The following ANKRD11 variants were observed in gnomAD, a reference collection of about 807,000 sequenced individuals.
ANKRD11 encodes ankyrin repeat domain 11.
In ANKRD11, 17 loss-of-function variants were observed where a neutral mutation model predicts 195.7. The ratio of observed to expected loss-of-function variants is 0.09; its 90% CI spans 0.06 to 0.13. The LOEUF is 0.13. ANKRD11 is among the 10% of genes least tolerant of loss of function. The probability of loss-of-function intolerance (pLI) is 1.00; values close to 1 mark genes in which losing one functional copy is unlikely to be tolerated. For synonymous variants in ANKRD11, 1,953 were observed against 1,528.1 expected (o/e 1.28, Z -6.49); for missense variants, 3,735 against 3,566.1 (o/e 1.05, Z -1.21).
rs551976811 is a variant in ANKRD11, at chr16:89,408,483, A to G, written c.-60+9801T>C. Among the ~76,000 whole-genome samples the G allele has an allele frequency of 1.4e-4, 22 of 152,306 alleles. No individual in the cohort carries two copies. In the South Asian group the frequency reaches 4.6e-3, roughly 32 times the overall value. On this transcript the variant is annotated intron_variant, in intron 2 of 12. Transcript: ENST00000301030. ...CCCTGAGCGTGGTGGCAAGTGGCCG[A>G]CCCAGATTCCCTCACCCTGCTCTGG... is the stretch of plus-strand genomic sequence containing the variant.
At chr16:89,486,654 A>G (rs1443934006) in intron 1 of ANKRD11, among the ~76,000 whole-genome samples, 1 of 152,138 alleles carries the variant, frequency 6.6e-6, no homozygotes, top group Non-Finnish European at 1.5e-5. Flanking sequence ...GGCAGGGTCA[A>G]GAATGGGGCA....
chr16:89,315,053 G>A (rs532658281), intron 3 of ANKRD11, among the ~76,000 whole-genome samples: 53 of 152,220 alleles, frequency 3.5e-4, no homozygotes, highest in African/African-American at 1.1e-3. Flanking sequence ...CACATCACCC[G>A]TGTGAACATG....
intron 2 of ANKRD11, among the ~76,000 whole-genome samples, chr16:89,382,030 A>T (rs2040679943): frequency 1.3e-5 from 2 of 152,322 alleles, no homozygotes; most frequent in African/African-American, 4.8e-5. Context: ...AGCCAGCACG[A>T]CTGTCCAGGC....
intron 2 of ANKRD11, among the ~76,000 whole-genome samples, chr16:89,319,675 G>C (rs989351832): frequency 6.6e-6 from 1 of 152,370 alleles, no homozygotes; most frequent in South Asian, 2.1e-4. Flanking sequence ...GGTGACAGCT[G>C]AGATGTCCTG....
At chr16:89,441,654 C>T (rs751394736) in intron 1 of ANKRD11, among the ~76,000 whole-genome samples, 15 of 150,018 alleles carry the variant, frequency 1.0e-4, no homozygotes, top group Middle Eastern at 3.4e-3. Flanking sequence ...GCAGTCCCAG[C>T]TACTCGGGAG....
At chr16:89,349,409 G>A (rs2039101789) in intron 2 of ANKRD11, among the ~76,000 whole-genome samples, 1 of 152,046 alleles carries the variant, frequency 6.6e-6, no homozygotes, top group African/African-American at 2.4e-5. Context: ...GAACCCGGGA[G>A]GCGGAGCTTA....
chr16:89,420,717 T>C (rs1359720130), intron 1 of ANKRD11, among the ~76,000 whole-genome samples: 2 of 152,162 alleles, frequency 1.3e-5, no homozygotes, highest in African/African-American at 2.4e-5. Flanking sequence ...GGAATAAACA[T>C]TACAGATTTT....
chr16:89,269,162 G>GC (rs2032907470), intron 12 of ANKRD11, among the ~76,000 whole-genome samples: 4 of 152,184 alleles, frequency 2.6e-5, no homozygotes, highest in Admixed American at 1.3e-4. Flanking sequence ...TATGTCACAA[G>GC]CAACCGTGTA....
At chr16:89,435,657 C>G (rs534189752) in intron 1 of ANKRD11, among the ~76,000 whole-genome samples, 1 of 152,128 alleles carries the variant, frequency 6.6e-6, no homozygotes, top group South Asian at 2.1e-4. Flanking sequence ...TCAGCGAGAC[C>G]GAGAACCCAC....
chr16:89,320,689 C>T (rs903405853), intron 2 of ANKRD11, among the ~76,000 whole-genome samples: 3 of 152,218 alleles, frequency 2.0e-5, no homozygotes, highest in African/African-American at 7.2e-5. Context: ...AAGCTGTGGG[C>T]TCAGGGAACT....
In ANKRD11 at chr16:89,291,226, C is replaced by T. The variant is rs2035043665; in HGVS notation, c.227-43G>A. On this transcript the variant is annotated intron_variant, in intron 4 of 12. Coordinates refer to ENST00000301030, the MANE Select transcript of ANKRD11 (RefSeq NM_013275.6). This position sits in a 1 kb window ranked among gnomAD's most constrained non-coding sequence, Gnocchi z 5.3. Reference sequence around the variant, plus strand: ...GAGAGAGGGAGGAGAGATTTCATGCCATGGTGTCCTCCAAAGCTAGGTCCT... The same window carrying T: ...GAGAGAGGGAGGAGAGATTTCATGCTATGGTGTCCTCCAAAGCTAGGTCCT... The T allele has an allele frequency of 6.2e-7, 1 of 1,607,836 alleles. No individual in the cohort carries two copies. Among genetic ancestry groups the T allele is most frequent in the Non-Finnish European group, 8.5e-7 (1 of 1,179,236 alleles).
rs549994499 is a variant in ANKRD11 at position 89,316,505 on chromosome 16, T to C, written c.87+428A>G. Among the ~76,000 whole-genome samples the C allele has an allele frequency of 2.0e-5, 3 of 152,326 alleles. No individual in the cohort carries two copies. The South Asian group carries it at 6.2e-4, about 32-fold the overall frequency. ...CAGCGTTAACCGCACATTAATAAAA[T>C]GCAGTGGTTTTGATTGGCATCCCAT... On this transcript the variant is annotated intron_variant, in intron 3 of 12. Transcript: ENST00000301030.
chr16:89,278,310 G>A, intron 9 of ANKRD11: 1 of 354,658 alleles, frequency 2.8e-6, no homozygotes, highest in Admixed American at 3.8e-5. Flanking sequence ...ACCCCAGTGG[G>A]TAGGAGGAGG....
At chr16:89,427,541 A>G (rs2042766297) in intron 1 of ANKRD11, among the ~76,000 whole-genome samples, 1 of 152,246 alleles carries the variant, frequency 6.6e-6, no homozygotes, top group Admixed American at 6.5e-5. Context: ...TCACGCCTGT[A>G]ATCACAGCAC....
At chr16:89,289,712 G>A (rs2034899419) in intron 6 of ANKRD11, among the ~76,000 whole-genome samples, 5 of 152,220 alleles carry the variant, frequency 3.3e-5, no homozygotes, top group Non-Finnish European at 7.3e-5. Context: ...GAGGTTTATG[G>A]AACACAGCAG....
At chr16:89,274,191 C>T (rs1218504692) in intron 11 of ANKRD11, among the ~76,000 whole-genome samples, 2 of 152,192 alleles carry the variant, frequency 1.3e-5, no homozygotes, top group African/African-American at 2.4e-5. Flanking sequence ...GCCCTGGCCG[C>T]CCACATCCTA....
At chr16:89,297,200 G>C (rs2035494888) in intron 4 of ANKRD11, among the ~76,000 whole-genome samples, 1 of 152,178 alleles carries the variant, frequency 6.6e-6, no homozygotes, top group African/African-American at 2.4e-5. Context: ...GGCTTTTCTA[G>C]CAAGAGTCTT....
intron 7 of ANKRD11, chr16:89,287,195 C>A: frequency 2.0e-6 from 2 of 1,015,870 alleles, no homozygotes; most frequent in Non-Finnish European, 2.7e-6. Context: ...CACTCCTCGG[C>A]CCTCCTCTAA....
intron 1 of ANKRD11, among the ~76,000 whole-genome samples, chr16:89,423,085 G>A (rs1020422257): frequency 6.6e-6 from 1 of 152,154 alleles, no homozygotes. Context: ...CAAGGGCCAC[G>A]GTGGTTTCAC....
Sources: gnomAD v4.1 joint callset for allele counts (sites outside exome capture counted in the v4.1 genomes callset) on GRCh38, gnomAD v4.1.1 for gene constraint, Gnocchi (gnomAD v3.1) non-coding constraint, MANE v1.5 for transcripts, NCBI Gene and HGNC (gene_info 2026-07-23, HGNC 2026-07-21) for gene names.